The following GOLGA7B variants were observed in gnomAD, a reference collection of about 807,000 sequenced individuals.
GOLGA7B encodes the protein golgin A7 family member B.
A neutral mutation model predicts 21.5 loss-of-function variants in GOLGA7B; 17 were observed. The observed-to-expected ratio is 0.79, with a 90% confidence interval of 0.54 to 1.19. The LOEUF (loss-of-function observed/expected upper bound fraction) is 1.19. GOLGA7B is among the 50% of genes most tolerant of loss of function. GOLGA7B has a pLI of 0.00. For synonymous variants in GOLGA7B, 87 were observed against 84.0 expected (o/e 1.04, Z -0.19); for missense variants, 169 against 224.4 (o/e 0.75, Z 1.58).
Position 97,849,989 on chromosome 10 carries a change from A to C in GOLGA7B, c.-315A>C, listed in dbSNP as rs897212627. Among the ~76,000 whole-genome samples the C allele has an allele frequency of 1.3e-5, 2 of 148,566 alleles. No individual in the cohort carries two copies. The highest frequency in any genetic ancestry group is 5.0e-5 in the African/African-American group (2 of 40,202). Reference sequence around the variant, plus strand: ...CCATCCCCGCCGCCGCCGCCGCCAAAGCTAAACCCGGCCGTTGCCTGCAGG... The same window carrying C: ...CCATCCCCGCCGCCGCCGCCGCCAACGCTAAACCCGGCCGTTGCCTGCAGG... On this transcript the variant is annotated 5_prime_UTR_variant, in exon 1 of 5. Coordinates refer to ENST00000370602, the MANE Select transcript of GOLGA7B (RefSeq NM_001010917.3).
At chr10:97,856,194 T>G (rs1317598686) in intron 1 of GOLGA7B, among the ~76,000 whole-genome samples, 5 of 152,192 alleles carry the variant, frequency 3.3e-5, no homozygotes, top group Non-Finnish European at 7.3e-5. Flanking sequence ...TAGTGAACAT[T>G]GTACCCGATG....
chr10:97,865,491 G>A (rs1472445842), intron 4 of GOLGA7B, 99 bp from the exon 5 acceptor site: 2 of 1,555,310 alleles, frequency 1.3e-6, no homozygotes, highest in Non-Finnish European at 1.7e-6. Context: ...AGCAGCACAA[G>A]CCCACTTTCC....
Position 97,864,016 on chromosome 10 carries a change from C to T in GOLGA7B, c.225C>T (p.Leu75=), listed in dbSNP as rs1331925351. ...EAEKIGGSSY[L]EGCLACATAY... ...AGAAGATTGGGGGCAGCTCCTACCT[C>T]GAGGGCTGCCTGGCCTGCGCCACGG... Residue 75 remains leucine (L), a synonymous_variant, in exon 3 of 5, where the codon CTC becomes CTT. Transcript: ENST00000370602. 4.3e-6 allele frequency: 7 copies of T among 1,614,002 alleles called. No homozygotes were observed. Among genetic ancestry groups the T allele is most frequent in the Non-Finnish European group, 5.9e-6 (7 of 1,179,976 alleles).
intron 1 of GOLGA7B, among the ~76,000 whole-genome samples, chr10:97,854,624 C>T (rs2049924016): frequency 6.6e-6 from 1 of 152,122 alleles, no homozygotes; most frequent in Non-Finnish European, 1.5e-5. Context: ...TCACCCAGAG[C>T]CTGGATAGTA....
chr10:97,852,301 A>G (rs2049909980), intron 1 of GOLGA7B, among the ~76,000 whole-genome samples: 1 of 152,124 alleles, frequency 6.6e-6, no homozygotes, highest in South Asian at 2.1e-4. Flanking sequence ...GAGGGATGCA[A>G]AGGAAGTCAT....
chr10:97,855,360 A>G (rs1210717665), intron 1 of GOLGA7B, among the ~76,000 whole-genome samples: 1 of 152,240 alleles, frequency 6.6e-6, no homozygotes, highest in Admixed American at 6.5e-5. Context: ...GAGGCATCAC[A>G]TTGCCTGACG....
chr10:97,862,108 G>A (rs1564866318), intron 2 of GOLGA7B, among the ~76,000 whole-genome samples: 3 of 152,158 alleles, frequency 2.0e-5, no homozygotes, highest in African/African-American at 4.8e-5. Context: ...TGACCTTCCC[G>A]GCTGTCTGGT....
intron 1 of GOLGA7B, among the ~76,000 whole-genome samples, chr10:97,858,791 G>A (rs959237332): frequency 2.0e-5 from 3 of 152,132 alleles, no homozygotes; most frequent in East Asian, 1.9e-4. Flanking sequence ...CATAAAACTC[G>A]GCCTGGACCC....
intron 1 of GOLGA7B, among the ~76,000 whole-genome samples, chr10:97,856,327 T>C (rs2049935178): frequency 6.6e-6 from 1 of 152,214 alleles, no homozygotes; most frequent in Admixed American, 6.5e-5. Context: ...GTGTGTTTTG[T>C]GGTATTTGGT....
chr10:97,852,176 C>A (rs1308394179), intron 1 of GOLGA7B, among the ~76,000 whole-genome samples: 1 of 152,196 alleles, frequency 6.6e-6, no homozygotes, highest in Non-Finnish European at 1.5e-5. Context: ...GGGATAAGAA[C>A]TTGAGTCTTC....
intron 1 of GOLGA7B, among the ~76,000 whole-genome samples, chr10:97,855,222 T>TC: frequency 6.6e-6 from 1 of 152,126 alleles, no homozygotes. Context: ...CCCTATCAAA[T>TC]TAGCAACATC....
chr10:97,866,799 AGTGT>A lies in GOLGA7B; in HGVS notation c.*1106_*1109del, dbSNP rs996745359. On this transcript the variant is annotated 3_prime_UTR_variant, in exon 5 of 5. Coordinates refer to ENST00000370602, the MANE Select transcript of GOLGA7B (RefSeq NM_001010917.3). ...GTGTGTATGAGTGTTCATGTGTATG[AGTGT>A]GTGTGTATGCAGGTGAGTGCATGTG... The A allele has an allele frequency of 3.3e-5, 5 of 151,842 alleles. No individual in the cohort carries two copies. The highest frequency in any genetic ancestry group is 1.2e-4 in the African/African-American group (5 of 41,294). The allele number at this position is 151,842 out of a possible 1,614,324, so 9.4% of individuals were successfully genotyped here.
chr10:97,850,277 G>A lies in GOLGA7B; in HGVS notation c.-27G>A, dbSNP rs2136510708. 6 of 1,480,648 alleles carry A rather than the reference G, an allele frequency of 4.1e-6. No individual in the cohort carries two copies. The highest frequency in any genetic ancestry group is 2.9e-5 in the East Asian group (1 of 34,408). The allele number at this position is 1,480,648 out of a possible 1,614,324, so 91.7% of individuals were successfully genotyped here. A position where few individuals can be genotyped will look rare whatever the true frequency, so the allele number is the denominator to read the frequency against. On this transcript the variant is annotated 5_prime_UTR_variant, in exon 1 of 5. Transcript: ENST00000370602. ...GCGGAGACCCCCCTCGCCCGGCCCC[G>A]CGACAGCCTCCGAGCGCCCCCGGAT... is the stretch of plus-strand genomic sequence containing the variant.
In GOLGA7B at chr10:97,850,261, C is replaced by T. The variant is rs148818830; in HGVS notation, c.-43C>T. The T allele has an allele frequency of 0.037, 52,650 of 1,442,062 alleles. 1,166 individuals carry two copies. The highest frequency in any genetic ancestry group is 0.052 in the Middle Eastern group (224 of 4,322). The allele number at this position is 1,442,062 out of a possible 1,614,324, so 89.3% of individuals were successfully genotyped here. On this transcript the variant is annotated 5_prime_UTR_variant, in exon 1 of 5. Coordinates refer to ENST00000370602, the MANE Select transcript of GOLGA7B (RefSeq NM_001010917.3). The stretch of plus-strand genomic sequence containing the variant: ...TCCCGGGGTCAGCACCGCGGAGACC[C>T]CCCTCGCCCGGCCCCGCGACAGCCT...
At position 97,865,795 on chromosome 10, in the gene GOLGA7B, T is replaced by C; in HGVS notation, c.*95T>C. ...TACCAGAGCACCCGCTTCTGAGTCATTCTTTGGGCTCACCCTGCTGCCCGG... is the reference window on the plus strand; with the variant it reads ...TACCAGAGCACCCGCTTCTGAGTCACTCTTTGGGCTCACCCTGCTGCCCGG... On this transcript the variant is annotated 3_prime_UTR_variant, in exon 5 of 5. Coordinates refer to ENST00000370602, the MANE Select transcript of GOLGA7B (RefSeq NM_001010917.3). 1 of 1,442,626 alleles carries C rather than the reference T, an allele frequency of 6.9e-7. No individual in the cohort carries two copies. Among genetic ancestry groups the C allele is most frequent in the South Asian group, 1.4e-5 (1 of 71,384 alleles). 89.4% of individuals were successfully genotyped at this position (1,442,626 alleles called of 1,614,324 possible). A position where few individuals can be genotyped will look rare whatever the true frequency, so the allele number is the denominator to read the frequency against.
intron 1 of GOLGA7B, among the ~76,000 whole-genome samples, chr10:97,852,432 A>C (rs2136512070): frequency 6.6e-6 from 1 of 152,204 alleles, no homozygotes. Context: ...TCCTCACTTC[A>C]CAATTTGGCC....
Position 97,850,179 on chromosome 10 carries a change from A to T in GOLGA7B, c.-125A>T, listed in dbSNP as rs1590157061. ...AGCCCGGGCCCGCGGCGCCCGCATC[A>T]GCACTGCGGACAGCGCCCCGGGCCC... On this transcript the variant is annotated 5_prime_UTR_variant, in exon 1 of 5. Transcript: ENST00000370602. 1 of 335,994 alleles carries T rather than the reference A, an allele frequency of 3.0e-6. No homozygotes were observed. Among genetic ancestry groups the T allele is most frequent in the African/African-American group, 2.6e-5 (1 of 38,262 alleles). 20.8% of individuals were successfully genotyped at this position (335,994 alleles called of 1,614,324 possible).
intron 1 of GOLGA7B, among the ~76,000 whole-genome samples, chr10:97,853,450 G>A (rs1175053887): frequency 6.6e-6 from 1 of 152,220 alleles, no homozygotes; most frequent in East Asian, 1.9e-4. Flanking sequence ...TGACTGTCAG[G>A]TGAACAGGAG....
At chr10:97,861,389 CAAAG>C (rs2049970449) in intron 2 of GOLGA7B, among the ~76,000 whole-genome samples, 1 of 152,222 alleles carries the variant, frequency 6.6e-6, no homozygotes, top group Non-Finnish European at 1.5e-5. Context: ...CTTAGAGACT[CAAAG>C]GAAGAGCTGC....
Sources: allele counts gnomAD v4.1 joint callset (sites outside exome capture counted in the v4.1 genomes callset), GRCh38; gene constraint gnomAD v4.1.1; transcripts MANE v1.5; gene names NCBI Gene and HGNC (gene_info 2026-07-23, HGNC 2026-07-21).